Variants in PARP12 observed in about 807,000 individuals in gnomAD.
PARP12 encodes poly(ADP-ribose) polymerase family member 12, also known as protein mono-ADP-ribosyltransferase PARP12.
Under a neutral mutation model 72.4 loss-of-function variants are expected in PARP12, and 59 were observed. The ratio of observed to expected loss-of-function variants is 0.81; its 90% CI spans 0.66 to 1.01. The LOEUF (loss-of-function observed/expected upper bound fraction) is 1.01, where lower values mean the gene tolerates loss of function less well. Among genes scored for constraint, PARP12 ranks in the 50% least tolerant of loss-of-function variants. PARP12 has a pLI of 0.00. For missense variants in PARP12, 851 were observed against 914.0 expected (o/e 0.93, Z 0.89); for synonymous variants, 403 against 371.4 (o/e 1.09, Z -0.98).
chr7:140,056,969 C>T lies in PARP12; in HGVS notation c.647G>A (p.Ser216Asn). Residue 216 changes from serine to asparagine, a missense_variant, in exon 3 of 12, where the codon AGC becomes AAC. By Grantham distance (46) the Ser-to-Asn change is conservative (BLOSUM62 1). Transcript: ENST00000263549. ...AGGCAGCCTGCTCACCAGGTCTGAG[C>T]TCATACCCAACTTCTCCAATTTTTC... ...NLEKLEKLGM[S>N]SDLVSRLPTI... 1 of 1,614,196 alleles carries T rather than the reference C, an allele frequency of 6.2e-7. No homozygotes were observed. Among genetic ancestry groups the T allele is most frequent in the Admixed American group, 1.7e-5 (1 of 60,018 alleles).
intron 8 of PARP12, chr7:140,033,601 C>A: frequency 1.0e-6 from 1 of 985,398 alleles, no homozygotes; most frequent in Non-Finnish European, 1.2e-6. Flanking sequence ...TCCCACCTCC[C>A]CAAGCCTAAA....
intron 7 of PARP12, among the ~76,000 whole-genome samples, chr7:140,035,454 G>C (rs950798946): frequency 2.6e-5 from 4 of 152,154 alleles, no homozygotes; most frequent in African/African-American, 9.7e-5. Context: ...ACCCTTCTAT[G>C]GACACAGTAA....
rs544646454 is a variant in PARP12 at position 140,025,623 on chromosome 7, G to A, written c.1780+574C>T. ...AAAGAGAGAGGGAGAGAGAAAGAGA[G>A]AAGTGGCAGCATGTTAAAACCAATG... is the stretch of plus-strand genomic sequence containing the variant. On this transcript the variant is annotated intron_variant, in intron 11 of 11. Transcript: ENST00000263549. The A allele has an allele frequency of 1.1e-4, 48 of 446,556 alleles. 1 individual carries two copies. Among genetic ancestry groups the A allele is most frequent in the South Asian group, 7.0e-4 (44 of 62,870 alleles). 27.7% of individuals were successfully genotyped at this position (446,556 alleles called of 1,614,324 possible). A position where few individuals can be genotyped will look rare whatever the true frequency, so the allele number is the denominator to read the frequency against.
rs1411329047 is a variant in PARP12 at position 140,062,723 on chromosome 7, A to C, written c.125T>G (p.Leu42Arg). 7.4e-7 allele frequency: 1 copy of C among 1,354,094 alleles called. No homozygotes were observed. Among genetic ancestry groups the C allele is most frequent in the African/African-American group, 1.5e-5 (1 of 65,460 alleles). 83.9% of individuals were successfully genotyped at this position (1,354,094 alleles called of 1,614,324 possible). ...CACGAAGCGCCCACGCTGCCGCAGCAGCCGCTCCAGCGCGTCGGCGCTCAA... is the reference window on the plus strand; with the variant it reads ...CACGAAGCGCCCACGCTGCCGCAGCCGCCGCTCCAGCGCGTCGGCGCTCAA... ...MGLSADALERLLRQRGRFVVA... is the reference protein window; with the variant it reads ...MGLSADALERRLRQRGRFVVA... Residue 42 changes from leucine to arginine, a missense_variant, in exon 1 of 12, where the codon CTG becomes CGG. Leu to Arg is a moderately radical substitution (Grantham distance 102, BLOSUM62 -2). Transcript: ENST00000263549.
At position 140,024,221 on chromosome 7, in the gene PARP12, C is replaced by T. The variant is rs1815632538; in HGVS notation, c.*339G>A. On this transcript the variant is annotated 3_prime_UTR_variant, in exon 12 of 12. Transcript: ENST00000263549. The stretch of plus-strand genomic sequence containing the variant: ...AACCGAATCACTGCAGAGACAAACT[C>T]ATAAAAATTAAAACCAATCCATAAA... 1 of 344,534 alleles carries T rather than the reference C, an allele frequency of 2.9e-6. No individual in the cohort carries two copies. Among genetic ancestry groups the T allele is most frequent in the South Asian group, 2.4e-5 (1 of 41,346 alleles). 21.3% of individuals were successfully genotyped at this position (344,534 alleles called of 1,614,324 possible).
intron 8 of PARP12, among the ~76,000 whole-genome samples, chr7:140,032,597 T>A (rs1042866624): frequency 2.0e-5 from 3 of 152,082 alleles, no homozygotes; most frequent in African/African-American, 7.2e-5. Flanking sequence ...TTAAGTAAAC[T>A]ATGGTACATA....
chr7:140,049,693 G>C (rs1816882810), intron 4 of PARP12, among the ~76,000 whole-genome samples: 1 of 152,176 alleles, frequency 6.6e-6, no homozygotes, highest in Non-Finnish European at 1.5e-5. Context: ...TCAAACAGCA[G>C]GCCTGAGGCT....
At chr7:140,047,131 C>CT (rs1233249157) in intron 4 of PARP12, 124 bp from the exon 5 acceptor site, 10 of 1,170,628 alleles carry the variant, frequency 8.5e-6, no homozygotes, top group African/African-American at 3.2e-5. Flanking sequence ...GTGGTGGAGT[C>CT]TGTTTTTTCA....
intron 3 of PARP12, 101 bp downstream of exon 3, chr7:140,056,754 CA>C: frequency 7.8e-7 from 1 of 1,286,838 alleles, no homozygotes; most frequent in Non-Finnish European, 1.1e-6. Context: ...CAGACTTGCC[CA>C]AAGTCACACA....
At chr7:140,059,935 G>A (rs953065775) in intron 1 of PARP12, among the ~76,000 whole-genome samples, 1 of 152,178 alleles carries the variant, frequency 6.6e-6, no homozygotes, top group African/African-American at 2.4e-5. Flanking sequence ...GTGAGGAGGA[G>A]ACAGCAAGAG....
rs1815772927 is a variant in PARP12, at chr7:140,027,260, G to A, written c.1628+16C>T. 13 of 1,610,872 alleles carry A rather than the reference G, an allele frequency of 8.1e-6. No individual in the cohort carries two copies. Among genetic ancestry groups the A allele is most frequent in the Non-Finnish European group, 1.0e-5 (12 of 1,177,658 alleles). On this transcript the variant is annotated intron_variant, in intron 10 of 11. Transcript: ENST00000263549. ...GGACAGAGTCACCAGCCCACCAAGA[G>A]CGAGCCCCAACGCACCACTGGTAGA...
chr7:140,034,463 T>C (rs539965067), intron 7 of PARP12, 132 bp from the exon 8 acceptor site: 165 of 702,496 alleles, frequency 2.3e-4, no homozygotes, highest in Non-Finnish European at 3.3e-4. Flanking sequence ...AATCAGTCTG[T>C]TAAAAATAGG....
chr7:140,045,068 C>A lies in PARP12; in HGVS notation c.986+1816G>T, dbSNP rs1816661707. ...TAATAGAGACAAGATCTAGCTCTGT[C>A]ACCCAGACTGGAGTGTAGTGACACA... On this transcript the variant is annotated intron_variant, in intron 5 of 11. Coordinates refer to ENST00000263549, the MANE Select transcript of PARP12 (RefSeq NM_022750.4). Among the ~76,000 whole-genome samples, 3 of 151,068 alleles carry A rather than the reference C, an allele frequency of 2.0e-5. No homozygotes were observed. In the South Asian group the frequency reaches 6.3e-4, roughly 32 times the overall value.
intron 9 of PARP12, among the ~76,000 whole-genome samples, chr7:140,027,842 G>T (rs1183683251): frequency 2.6e-5 from 4 of 151,870 alleles, no homozygotes; most frequent in Non-Finnish European, 2.9e-5. Context: ...GGATGTCCCT[G>T]CCTTTTTTTT....
At chr7:140,044,999 A>G (rs1816657752) in intron 5 of PARP12, among the ~76,000 whole-genome samples, 5 of 152,206 alleles carry the variant, frequency 3.3e-5, no homozygotes, top group South Asian at 4.2e-4. Context: ...TAAAAATATT[A>G]TATCAGCAAT....
At chr7:140,032,298 T>C (rs1258668936) in intron 8 of PARP12, among the ~76,000 whole-genome samples, 1 of 152,046 alleles carries the variant, frequency 6.6e-6, no homozygotes, top group Non-Finnish European at 1.5e-5. Context: ...TTTGGTTTAC[T>C]TCCTACGACT....
At chr7:140,045,442 A>G (rs949203539) in intron 5 of PARP12, among the ~76,000 whole-genome samples, 7 of 152,222 alleles carry the variant, frequency 4.6e-5, no homozygotes, top group Non-Finnish European at 8.8e-5. Context: ...CCTAACATAT[A>G]GTAAAGCTGA....
At chr7:140,058,156 G>T in intron 1 of PARP12, 122 bp from the exon 2 acceptor site, 1 of 1,128,454 alleles carries the variant, frequency 8.9e-7, no homozygotes, top group Non-Finnish European at 1.3e-6. Flanking sequence ...CTCTAAAGAG[G>T]TAATTAAGTT....
In PARP12 at chr7:140,062,022, G is replaced by A. The variant is rs573647486; in HGVS notation, c.326+500C>T. Among the ~76,000 whole-genome samples the A allele has an allele frequency of 3.3e-5, 5 of 150,962 alleles. No homozygotes were observed. In the South Asian group the frequency reaches 6.4e-4, roughly 19 times the overall value. ...TGTTCCAGTCACAGAAGGGTCCTGG[G>A]TGGGCAGGGACCAGTGCCCCAGGAC... On this transcript the variant is annotated intron_variant, in intron 1 of 11. Coordinates refer to ENST00000263549, the MANE Select transcript of PARP12 (RefSeq NM_022750.4).
Sources: gnomAD v4.1 joint callset for allele counts (sites outside exome capture counted in the v4.1 genomes callset) on GRCh38, gnomAD v4.1.1 for gene constraint, MANE v1.5 for transcripts, NCBI Gene and HGNC (gene_info 2026-07-23, HGNC 2026-07-21) for gene names.